The following SCARF2 variants were observed in gnomAD, a reference collection of about 807,000 sequenced individuals.
SCARF2 encodes scavenger receptor expressed by endothelial cells 2 protein.
In SCARF2, 39 loss-of-function variants were observed where a neutral mutation model predicts 73.4. That is an observed-to-expected ratio of 0.53 (90% CI 0.41 to 0.69). SCARF2 has a LOEUF of 0.69. Among genes scored for constraint, SCARF2 ranks in the 30% least tolerant of loss-of-function variants. SCARF2 has a pLI of 0.00. For missense variants in SCARF2, 1,148 were observed against 1,303.5 expected (o/e 0.88, Z 1.84); for synonymous variants, 605 against 590.0 (o/e 1.03, Z -0.37).
At chr22:20,427,835 C>A (rs1277110209) in intron 9 of SCARF2, among the ~76,000 whole-genome samples, 4 of 152,202 alleles carry the variant, frequency 2.6e-5, no homozygotes, top group African/African-American at 7.2e-5. Context: ...TGAGAAAAGG[C>A]CAGAAAGGTG....
chr22:20,426,212 C>T lies in SCARF2; in HGVS notation c.1764G>A (p.Val588=), dbSNP rs1461666106. The change falls in exon 11 of 11, where the codon GTG becomes GTA. Residue 588 remains valine, a synonymous_variant. Transcript: ENST00000622235. ...CGGCGGAGGCTGGCGTGGTCAAGGGCACAGGGGACGGCGCCGGCGCCTCGG... is the reference window on the plus strand; with the variant it reads ...CGGCGGAGGCTGGCGTGGTCAAGGGTACAGGGGACGGCGCCGGCGCCTCGG... The part of the protein sequence containing the change: ...VPAEAPAPSP[V]PLTTPASAEE... The T allele has an allele frequency of 3.9e-6, 6 of 1,531,592 alleles. No homozygotes were observed. Among genetic ancestry groups the T allele is most frequent in the Non-Finnish European group, 5.2e-6 (6 of 1,145,208 alleles). 94.9% of individuals were successfully genotyped at this position (1,531,592 alleles called of 1,614,324 possible). A position where few individuals can be genotyped will look rare whatever the true frequency, so the allele number is the denominator to read the frequency against.
chr22:20,428,466 G>A (rs940923912), intron 9 of SCARF2, among the ~76,000 whole-genome samples: 6 of 151,980 alleles, frequency 3.9e-5, no homozygotes, highest in South Asian at 2.1e-4. Flanking sequence ...CACCACACCC[G>A]GCTACTTTCG....
chr22:20,429,130 T>G lies in SCARF2; in HGVS notation c.1540+95A>C. On this transcript the variant is annotated intron_variant, in intron 9 of 10. Coordinates refer to ENST00000622235, the MANE Select transcript of SCARF2 (RefSeq NM_182895.5). The surrounding 1 kb of genome is among the most constrained non-coding windows in gnomAD (Gnocchi z 5.2). ...ACATCAACACTCAAGGTCCCCCATT[T>G]CCTCACTGAGATCTGGACCCCCTCA... 1 of 1,519,852 alleles carries G rather than the reference T, an allele frequency of 6.6e-7. No homozygotes were observed. Among genetic ancestry groups the G allele is most frequent in the Non-Finnish European group, 9.1e-7 (1 of 1,097,264 alleles). The allele number at this position is 1,519,852 out of a possible 1,614,324, so 94.1% of individuals were successfully genotyped here.
At position 20,425,669 on chromosome 22, in the gene SCARF2, C is replaced by G; in HGVS notation, c.2307G>C (p.Met769Ile). ...PPRSAPEAAS[M>I]LAAELRGKTR... ...TCTTGCCGCGCAGCTCAGCGGCCAA[C>G]ATGGAGGCAGCCTCGGGCGCGCTTC... is the stretch of plus-strand genomic sequence containing the variant. Residue 769 changes from methionine to isoleucine, a missense_variant, in exon 11 of 11, where the codon ATG becomes ATC. Coordinates refer to ENST00000622235, the MANE Select transcript of SCARF2 (RefSeq NM_182895.5). This position sits in a 1 kb window ranked among gnomAD's most constrained non-coding sequence, Gnocchi z 4.6. The G allele has an allele frequency of 8.0e-7, 1 of 1,251,078 alleles. No homozygotes were observed. Among genetic ancestry groups the G allele is most frequent in the Non-Finnish European group, 1.0e-6 (1 of 1,000,006 alleles). The allele number at this position is 1,251,078 out of a possible 1,614,324, so 77.5% of individuals were successfully genotyped here.
Position 20,431,850 on chromosome 22 carries a change from T to C in SCARF2, c.233-4A>G. On this transcript the variant is annotated splice_polypyrimidine_tract_variant and splice_region_variant and intron_variant, in intron 2 of 10. Transcript: ENST00000622235. ...GTGGAGTTGCCTTCGCACACCGCTG[T>C]GGACGAGACAGGCCAGAGCTGCTGC... The C allele has an allele frequency of 6.3e-7, 1 of 1,597,788 alleles. No individual in the cohort carries two copies. The highest frequency in any genetic ancestry group is 8.5e-7 in the Non-Finnish European group (1 of 1,173,250).
rs1270691017 is a variant in SCARF2 at position 20,431,064 on chromosome 22, G to A, written c.808C>T (p.Arg270Cys). Residue 270 changes from arginine to cysteine, a missense_variant, in exon 4 of 11, where the codon CGC (arginine) becomes TGC (cysteine). By Grantham distance (180) the Arg-to-Cys change is radical (BLOSUM62 -3). Coordinates refer to ENST00000622235, the MANE Select transcript of SCARF2 (RefSeq NM_182895.5). ...TAGAAGCCGGCGGGGCACGGCTCGCGACAGTACTTGCCGCGGTAGCCCGGC... is the reference window on the plus strand; with the variant it reads ...TAGAAGCCGGCGGGGCACGGCTCGCAACAGTACTTGCCGCGGTAGCCCGGC... ...CEPGYRGKYC[R>C]EPCPAGFYGL... 1 of 1,555,666 alleles carries A rather than the reference G, an allele frequency of 6.4e-7. No homozygotes were observed. Among genetic ancestry groups the A allele is most frequent in the East Asian group, 2.4e-5 (1 of 41,968 alleles).
chr22:20,432,166 A>T lies in SCARF2; in HGVS notation c.174-178T>A, dbSNP rs932977117. 1.3e-5 allele frequency among the ~76,000 whole-genome samples: 2 copies of T among 152,086 alleles called. 1 individual carries two copies. The highest frequency in any genetic ancestry group is 3.9e-4 in the East Asian group (2 of 5,164). Reference sequence around the variant, plus strand: ...CTGGCGGTGGAGGATTGCCACAAACAGACCTCACCGCCAAGAACTTTCCAG... The same window carrying T: ...CTGGCGGTGGAGGATTGCCACAAACTGACCTCACCGCCAAGAACTTTCCAG... On this transcript the variant is annotated intron_variant, in intron 1 of 10. Coordinates refer to ENST00000622235, the MANE Select transcript of SCARF2 (RefSeq NM_182895.5).
Position 20,426,118 on chromosome 22 carries a change from C to T in SCARF2, c.1858G>A (p.Gly620Arg). The T allele has an allele frequency of 2.0e-6, 3 of 1,474,058 alleles. No homozygotes were observed. The highest frequency in any genetic ancestry group is 2.7e-6 in the Non-Finnish European group (3 of 1,120,964). The allele number at this position is 1,474,058 out of a possible 1,614,324, so 91.3% of individuals were successfully genotyped here. The stretch of plus-strand genomic sequence containing the variant: ...CGGGCCACGCGCGCGTACAGAGCCC[C>T]TCCGGGCCCCTCCACGCTGGACGCC... Reference protein sequence around the residue: ...RSASSVEGPGGALYARVARRE... With the variant: ...RSASSVEGPGRALYARVARRE... Residue 620 changes from glycine (G) to arginine (R), a missense_variant, in exon 11 of 11, where the codon GGG (glycine) becomes AGG (arginine). By Grantham distance (125) the Gly-to-Arg change is moderately radical. This residue lies in a region of SCARF2 where 437 missense variants were observed against 433.6 expected (regional missense o/e 1.01). Transcript: ENST00000622235.
At chr22:20,433,007 G>A (rs1225765668) in intron 1 of SCARF2, among the ~76,000 whole-genome samples, 2 of 152,210 alleles carry the variant, frequency 1.3e-5, no homozygotes, top group African/African-American at 4.8e-5. Context: ...ATGAGCCAGC[G>A]TGCCCGGCCT....
chr22:20,436,805 C>T lies in SCARF2; in HGVS notation c.173+777G>A, dbSNP rs551872468. 2.9e-3 allele frequency among the ~76,000 whole-genome samples: 448 copies of T among 152,304 alleles called. 1 individual carries two copies. The highest frequency in any genetic ancestry group is 4.8e-3 in the Non-Finnish European group (329 of 68,016). ...GCTCCCCCGACCCCAGCTCCTAACT[C>T]CTGGCGTCCGGGGCTCACCTCTCTG... On this transcript the variant is annotated intron_variant, in intron 1 of 10. Coordinates refer to ENST00000622235, the MANE Select transcript of SCARF2 (RefSeq NM_182895.5).
intron 3 of SCARF2, 91 bp from the exon 4 acceptor site, chr22:20,431,628 C>T: frequency 6.5e-7 from 1 of 1,541,536 alleles, no homozygotes; most frequent in Non-Finnish European, 8.8e-7. Flanking sequence ...CGCACTCCAG[C>T]CGCCACCTCT....
Position 20,430,833 on chromosome 22 carries a change from G to A in SCARF2, c.930C>T (p.Asn310=), listed in dbSNP as rs757355591. The A allele has an allele frequency of 1.2e-6, 2 of 1,606,868 alleles. No individual in the cohort carries two copies. Among genetic ancestry groups the A allele is most frequent in the African/African-American group, 2.7e-5 (2 of 74,862 alleles). ...GRCLTCEPGW[N]GTKCDQPCAT... ...CGCAAGGCTGGTCGCACTTGGTTCC[G>A]TTCCAGCCGGGCTCGCACGTCAAGC... The change falls in exon 5 of 11, where the codon AAC becomes AAT. Residue 310 remains asparagine, a synonymous_variant. Transcript: ENST00000622235.
At chr22:20,428,039 C>T (rs1231911613) in intron 9 of SCARF2, among the ~76,000 whole-genome samples, 1 of 152,122 alleles carries the variant, frequency 6.6e-6, no homozygotes, top group Non-Finnish European at 1.5e-5. Flanking sequence ...AGATGCAGAC[C>T]CCACAACAGG....
chr22:20,427,402 A>G lies in SCARF2; in HGVS notation c.1689T>C (p.His563=). The change falls in exon 10 of 11, where the codon CAT becomes CAC. Residue 563 remains histidine, a synonymous_variant. Transcript: ENST00000622235. The part of the protein sequence containing the change: ...TDEGPVYCVP[H]EEAPAESRDP... ...CCCAGGTAGGGCCTTACTTACCCTC[A>G]TGGGGTACACAGTACACAGGGCCTT... is the stretch of plus-strand genomic sequence containing the variant. 6.2e-7 allele frequency: 1 copy of G among 1,614,080 alleles called. No homozygotes were observed. Among genetic ancestry groups the G allele is most frequent in the Non-Finnish European group, 8.5e-7 (1 of 1,179,966 alleles).
Position 20,425,488 on chromosome 22 carries a change from C to A in SCARF2, c.2488G>T (p.Asp830Tyr). 7.3e-7 allele frequency: 1 copy of A among 1,365,606 alleles called. No homozygotes were observed. Among genetic ancestry groups the A allele is most frequent in the Non-Finnish European group, 9.4e-7 (1 of 1,059,108 alleles). 84.6% of individuals were successfully genotyped at this position (1,365,606 alleles called of 1,614,324 possible). A position where few individuals can be genotyped will look rare whatever the true frequency, so the allele number is the denominator to read the frequency against. ...ETPGPEKAAT[D>Y]LPAPETPRKK... Reference sequence around the variant, plus strand: ...CGGGGGGTCTCAGGCGCGGGCAAGTCGGTCGCCGCCTTCTCAGGCCCCGGG... The same window carrying A: ...CGGGGGGTCTCAGGCGCGGGCAAGTAGGTCGCCGCCTTCTCAGGCCCCGGG... Residue 830 changes from aspartate to tyrosine, a missense_variant, in exon 11 of 11, where the codon GAC (aspartate) becomes TAC (tyrosine). By Grantham distance (160) the Asp-to-Tyr change is radical (BLOSUM62 -3). Coordinates refer to ENST00000622235, the MANE Select transcript of SCARF2 (RefSeq NM_182895.5). The surrounding 1 kb of genome is among the most constrained non-coding windows in gnomAD (Gnocchi z 4.6).
Position 20,437,614 on chromosome 22 carries a change from G to GT in SCARF2, c.140dup (p.Asn47LysfsTer81), listed in dbSNP as rs1262288414. ...CACGGCACACGTTGCGGCCGCGAGG[G>GT]TTCAGTTCCTGAGGCGCCACGGTGT... On this transcript the variant is annotated frameshift_variant, in exon 1 of 11. Transcript: ENST00000622235. LOFTEE classifies it high-confidence loss of function. 1 of 1,571,248 alleles carries GT rather than the reference G, an allele frequency of 6.4e-7. No homozygotes were observed. The highest frequency in any genetic ancestry group is 8.6e-7 in the Non-Finnish European group (1 of 1,165,810).
intron 1 of SCARF2, among the ~76,000 whole-genome samples, chr22:20,435,602 T>C (rs1446227742): frequency 1.3e-5 from 2 of 152,188 alleles, no homozygotes; most frequent in Admixed American, 6.5e-5. Flanking sequence ...GGATCCTTCC[T>C]GTACTTCCAC....
chr22:20,426,938 AAG>A (rs71746154), intron 10 of SCARF2, among the ~76,000 whole-genome samples: 27,592 of 150,142 alleles, frequency 0.18, 2,577 homozygotes, highest in East Asian at 0.24. Flanking sequence ...AAAAAAAAAA[AAG>A]AGCGATAAGG....
In SCARF2 at chr22:20,429,150, C is replaced by T. The variant is rs962061251; in HGVS notation, c.1540+75G>A. The T allele has an allele frequency of 6.3e-7, 1 of 1,586,118 alleles. No homozygotes were observed. Among genetic ancestry groups the T allele is most frequent in the African/African-American group, 1.3e-5 (1 of 74,346 alleles). The stretch of plus-strand genomic sequence containing the variant: ...CCATTTCCTCACTGAGATCTGGACC[C>T]CCTCACACCCATTTCCCAGCAGCTT... On this transcript the variant is annotated intron_variant, in intron 9 of 10. Transcript: ENST00000622235. This position sits in a 1 kb window ranked among gnomAD's most constrained non-coding sequence, Gnocchi z 5.2.
Sources: allele counts gnomAD v4.1 joint callset (sites outside exome capture counted in the v4.1 genomes callset), GRCh38; gene constraint gnomAD v4.1.1; regional missense constraint gnomAD v4.1.1; non-coding constraint Gnocchi (gnomAD v3.1); transcripts MANE v1.5; gene names NCBI Gene and HGNC (gene_info 2026-07-23, HGNC 2026-07-21).